ZNF541: variants seen among roughly 807,000 people sequenced by gnomAD.
ZNF541 encodes zinc finger protein 541.
In ZNF541, 23 loss-of-function variants were observed where a neutral mutation model predicts 123.5. That is an observed-to-expected ratio of 0.19 (90% CI 0.13 to 0.26). ZNF541 has a LOEUF of 0.26. Among genes scored for constraint, ZNF541 ranks in the 10% least tolerant of loss-of-function variants. The pLI, the probability that ZNF541 is intolerant of heterozygous loss-of-function variation, is 1.00. For synonymous variants in ZNF541, 751 were observed against 754.5 expected (o/e 1.00, Z 0.08); for missense variants, 1,612 against 1,789.9 (o/e 0.90, Z 1.79).
chr19:47,527,803 G>A (rs1337593525), intron 14 of ZNF541, among the ~76,000 whole-genome samples: 3 of 150,608 alleles, frequency 2.0e-5, no homozygotes, highest in African/African-American at 7.3e-5. Context: ...GGGTTCAAGC[G>A]ATTCTCCTGT....
chr19:47,566,311 G>A (rs576667631), intron 2 of ZNF541, among the ~76,000 whole-genome samples: 5 of 152,292 alleles, frequency 3.3e-5, no homozygotes, highest in South Asian at 2.1e-4. Flanking sequence ...GACTGTAGAA[G>A]TAAGTCCACA....
intron 2 of ZNF541, among the ~76,000 whole-genome samples, chr19:47,564,226 A>C (rs189490106): frequency 6.6e-6 from 1 of 152,322 alleles, no homozygotes; most frequent in Non-Finnish European, 1.5e-5. Flanking sequence ...CCCAAGGCCA[A>C]ATCACCTGCT....
intron 5 of ZNF541, 87 bp downstream of exon 5, chr19:47,544,039 T>C: frequency 7.1e-7 from 1 of 1,417,470 alleles, no homozygotes; most frequent in Non-Finnish European, 9.3e-7. Flanking sequence ...GGGGACTCTC[T>C]GAAATGAAAT....
rs1307201352 is a variant in ZNF541 at position 47,528,912 on chromosome 19, G to A, written c.3570+38C>T. 7.3e-6 allele frequency: 11 copies of A among 1,512,864 alleles called. No homozygotes were observed. In the Admixed American group the frequency reaches 1.4e-4, roughly 19 times the overall value. 93.7% of individuals were successfully genotyped at this position (1,512,864 alleles called of 1,614,324 possible). A position where few individuals can be genotyped will look rare whatever the true frequency, so the allele number is the denominator to read the frequency against. ...CAGCTCTAGCTTGTCTCAGCTGTGT[G>A]AGGCAGGGCCTTGGACACCAGCCCA... On this transcript the variant is annotated intron_variant, in intron 14 of 16. Transcript: ENST00000391901.
At chr19:47,550,323 AAGAG>A (rs533814025) in intron 3 of ZNF541, among the ~76,000 whole-genome samples, 13 of 149,542 alleles carry the variant, frequency 8.7e-5, no homozygotes, top group Admixed American at 2.7e-4. Context: ...GAGAGAGAGA[AAGAG>A]AGAGAGAGAA....
chr19:47,560,979 C>T (rs1971038061), intron 2 of ZNF541, among the ~76,000 whole-genome samples: 1 of 151,504 alleles, frequency 6.6e-6, no homozygotes, highest in Non-Finnish European at 1.5e-5. Flanking sequence ...GATTACATAC[C>T]GAAAAAAAAG....
At chr19:47,546,206 TAAAAA>T (rs113946046) in intron 4 of ZNF541, among the ~76,000 whole-genome samples, 1 of 125,738 alleles carries the variant, frequency 8.0e-6, no homozygotes, top group African/African-American at 2.7e-5. Context: ...TACAGAAAAG[TAAAAA>T]AAAAAAAAAA....
At position 47,544,116 on chromosome 19, in the gene ZNF541, G is replaced by A. The variant is rs747919986; in HGVS notation, c.2403+10C>T. ...CACTCTGGTCAGGCCACGTGAGAGA[G>A]AGCTGGTACCTGGATTCTGCTGAAT... On this transcript the variant is annotated intron_variant, in intron 5 of 16. Transcript: ENST00000391901. 27 of 1,539,412 alleles carry A rather than the reference G, an allele frequency of 1.8e-5. No homozygotes were observed. Among genetic ancestry groups the A allele is most frequent in the Non-Finnish European group, 2.1e-5 (24 of 1,139,434 alleles).
At chr19:47,550,294 GAGGAAGGA>G (rs926927643) in intron 3 of ZNF541, among the ~76,000 whole-genome samples, 1 of 148,682 alleles carries the variant, frequency 6.7e-6, no homozygotes, top group African/African-American at 2.5e-5. Context: ...AGGAAGGAAG[GAGGAAGGA>G]AGGAAGGAAA....
In ZNF541 at chr19:47,555,685, G is replaced by A. The variant is rs778232109; in HGVS notation, c.172C>T (p.Leu58Phe). ...GLSGLDPDPS[L>F]PTPDMSSEVL... is the part of the protein sequence containing the mutation. Reference sequence around the variant, plus strand: ...TCGCTGGACATGTCAGGCGTTGGGAGGCTGGGGTCCGGGTCCAGACCACTC... The same window carrying A: ...TCGCTGGACATGTCAGGCGTTGGGAAGCTGGGGTCCGGGTCCAGACCACTC... The change falls in exon 3 of 17, where the codon CTC (leucine) becomes TTC (phenylalanine). Residue 58 changes from leucine (L) to phenylalanine (F), a missense_variant. By Grantham distance (22) the Leu-to-Phe change is conservative. Transcript: ENST00000391901. The A allele has an allele frequency of 1.5e-4, 230 of 1,551,690 alleles. 1 individual carries two copies. The highest frequency in any genetic ancestry group is 1.4e-4 in the Non-Finnish European group (160 of 1,147,024).
At chr19:47,553,073 C>T (rs556672100) in intron 3 of ZNF541, among the ~76,000 whole-genome samples, 1 of 151,894 alleles carries the variant, frequency 6.6e-6, no homozygotes, top group Non-Finnish European at 1.5e-5. Context: ...TGCACCATTA[C>T]ACTCTAACCT....
rs1256777190 is a variant in ZNF541 at position 47,540,938 on chromosome 19, T to C, written c.2417A>G (p.Tyr806Cys). 13 of 1,550,904 alleles carry C rather than the reference T, an allele frequency of 8.4e-6. No homozygotes were observed. Among genetic ancestry groups the C allele is most frequent in the South Asian group, 1.2e-5 (1 of 83,778 alleles). The change falls in exon 6 of 17, where the codon TAC becomes TGC. Residue 806 changes from tyrosine to cysteine, a missense_variant. Around this residue, in one of 5 missense-constraint regions of ZNF541, gnomAD observed 1,080 missense variants for 1,013.8 expected, o/e 1.07. Coordinates refer to ENST00000391901, the MANE Select transcript of ZNF541 (RefSeq NM_001277075.3). ...IFSRIQGGNIYRLPHPVKEEN... is the reference protein window; with the variant it reads ...IFSRIQGGNICRLPHPVKEEN... ...TTCCTTCACCGGATGGGGGAGCCTG[T>C]AGATGTTTCCACCCTGAAGATGAAA... is the stretch of plus-strand genomic sequence containing the variant.
chr19:47,521,504 T>C lies in ZNF541; in HGVS notation c.3862A>G (p.Ile1288Val), dbSNP rs1448206581. ...CTTTCACACTCTCTGCATGGAAAAA[T>C]GCCCTGGCTCTCTGCACTTCCCAAC... ...ELLGSAESQGIFPCRECERVF... is the reference protein window; with the variant it reads ...ELLGSAESQGVFPCRECERVF... Residue 1288 changes from isoleucine to valine, a missense_variant, in exon 16 of 17, where the codon ATT (isoleucine) becomes GTT (valine). Coordinates refer to ENST00000391901, the MANE Select transcript of ZNF541 (RefSeq NM_001277075.3). The surrounding 1 kb of genome is among the most constrained non-coding windows in gnomAD (Gnocchi z 4.2). 1.3e-6 allele frequency: 2 copies of C among 1,551,434 alleles called. No individual in the cohort carries two copies. Among genetic ancestry groups the C allele is most frequent in the South Asian group, 2.4e-5 (2 of 84,030 alleles).
intron 2 of ZNF541, among the ~76,000 whole-genome samples, chr19:47,562,779 G>A (rs1274530348): frequency 6.6e-6 from 1 of 152,088 alleles, no homozygotes; most frequent in Non-Finnish European, 1.5e-5. Flanking sequence ...TGTTTTCAAG[G>A]TTCACCCCCA....
intron 5 of ZNF541, among the ~76,000 whole-genome samples, chr19:47,542,279 A>C (rs549302651): frequency 6.6e-6 from 1 of 152,206 alleles, no homozygotes; most frequent in African/African-American, 2.4e-5. Flanking sequence ...CCTTTTGGGG[A>C]GATGAAACTG....
Position 47,540,186 on chromosome 19 carries a change from T to G in ZNF541, c.2612A>C (p.Gln871Pro). The stretch of plus-strand genomic sequence containing the variant: ...GTCGTCCCCCTTCACCTGCGGTTCC[T>G]GCTTCCCTCGAGGTGACGGCCACTG... ...SDQWPSPRGK[Q>P]EPQVFGTEFC... Residue 871 changes from glutamine (Q) to proline (P), a missense_variant, in exon 7 of 17, where the codon CAG becomes CCG. Gln to Pro is a moderately conservative substitution (Grantham distance 76). This residue lies in a region of ZNF541 where 1,080 missense variants were observed against 1,013.8 expected (regional missense o/e 1.07). Transcript: ENST00000391901. 1.3e-6 allele frequency: 2 copies of G among 1,550,862 alleles called. No homozygotes were observed. Among genetic ancestry groups the G allele is most frequent in the Non-Finnish European group, 8.7e-7 (1 of 1,146,860 alleles).
At chr19:47,552,171 G>T (rs1451314790) in intron 3 of ZNF541, among the ~76,000 whole-genome samples, 2 of 152,170 alleles carry the variant, frequency 1.3e-5, no homozygotes, top group Admixed American at 1.3e-4. Context: ...AAGATGGCAA[G>T]TTTGGAAATA....
Position 47,555,919 on chromosome 19 carries a change from GAC to G in ZNF541, c.-65_-64del. The G allele has an allele frequency of 6.9e-7, 1 of 1,457,068 alleles. No homozygotes were observed. The highest frequency in any genetic ancestry group is 9.2e-7 in the Non-Finnish European group (1 of 1,091,454). 90.3% of individuals were successfully genotyped at this position (1,457,068 alleles called of 1,614,324 possible). The stretch of plus-strand genomic sequence containing the variant: ...CCAGATAAGCAAAACCATGTAAGGA[GAC>G]AGGGAGGAGAGAGCCCTTGATGGCA... On this transcript the variant is annotated 5_prime_UTR_variant, in exon 3 of 17. Coordinates refer to ENST00000391901, the MANE Select transcript of ZNF541 (RefSeq NM_001277075.3).
chr19:47,544,363 A>G lies in ZNF541; in HGVS notation c.2166T>C (p.Asn722=). 6.4e-7 allele frequency: 1 copy of G among 1,551,562 alleles called. No homozygotes were observed. Among genetic ancestry groups the G allele is most frequent in the Non-Finnish European group, 8.7e-7 (1 of 1,146,972 alleles). Residue 722 remains asparagine (N), a synonymous_variant, in exon 5 of 17, where the codon AAT becomes AAC. Coordinates refer to ENST00000391901, the MANE Select transcript of ZNF541 (RefSeq NM_001277075.3). ...SLPGKQAPAE[N]GAASRITKGE... ...CTTTTGTGATCCTTGAAGCCGCGCC[A>G]TTCTCGGCTGGGGCCTGCTTCCCTG...
Sources: allele counts gnomAD v4.1 joint callset (sites outside exome capture counted in the v4.1 genomes callset), GRCh38; gene constraint gnomAD v4.1.1; regional missense constraint gnomAD v4.1.1; non-coding constraint Gnocchi (gnomAD v3.1); transcripts MANE v1.5; gene names NCBI Gene and HGNC (gene_info 2026-07-23, HGNC 2026-07-21).